Variants in ALMS1 observed in about 807,000 individuals in gnomAD.
ALMS1 encodes the protein ALMS1 centrosome and basal body associated protein.
Under a neutral mutation model 352.2 loss-of-function variants are expected in ALMS1, and 271 were observed. The observed-to-expected ratio is 0.77, with a 90% CI of 0.70 to 0.85. The LOEUF (loss-of-function observed/expected upper bound fraction) is 0.85, where lower values mean the gene tolerates loss of function less well. Ranked by LOEUF, ALMS1 falls within the 40% of genes least tolerant of loss-of-function variation. The probability of loss-of-function intolerance (pLI) is 0.00; values close to 1 mark genes in which losing one functional copy is unlikely to be tolerated. For synonymous variants in ALMS1, 1,865 were observed against 1,761.2 expected (o/e 1.06, Z -1.48); for missense variants, 5,445 against 4,870.7 (o/e 1.12, Z -3.51).
intron 2 of ALMS1, among the ~76,000 whole-genome samples, chr2:73,418,769 A>C (rs1188516494): frequency 1.3e-5 from 2 of 152,258 alleles, no homozygotes; most frequent in African/African-American, 4.8e-5. Context: ...TCCCCGGAAC[A>C]CATGTGCCAT....
In ALMS1 at chr2:73,450,550, T is replaced by A; in HGVS notation, c.4023T>A (p.Gly1341=). 1.9e-6 allele frequency: 3 copies of A among 1,611,136 alleles called. No individual in the cohort carries two copies. The highest frequency in any genetic ancestry group is 2.5e-6 in the Non-Finnish European group (3 of 1,179,544). ...TCTACTCACACACAGAGAAGCCTGG[T>A]GTTTTCTACCAACAGGTCTTGCCAC... ...STFYSHTEKP[G]VFYQQVLPHS... is the part of the protein sequence containing the mutation. Residue 1341 remains glycine (G), a synonymous_variant, in exon 8 of 23, where the codon GGT becomes GGA. Transcript: ENST00000613296.
intron 7 of ALMS1, among the ~76,000 whole-genome samples, chr2:73,433,183 A>G (rs1405698774): frequency 1.3e-5 from 2 of 152,190 alleles, no homozygotes; most frequent in Non-Finnish European, 2.9e-5. Flanking sequence ...CAGGTTAGTG[A>G]TAATGATTTT....
chr2:73,415,950 C>A lies in ALMS1; in HGVS notation c.451-3173C>A, dbSNP rs371156102. ...TATAAATGTGATAGGATAGTTGTCT[C>A]CGTGAAGTTAAAAAATTATTGCAGT... is the stretch of plus-strand genomic sequence containing the variant. On this transcript the variant is annotated intron_variant, in intron 2 of 22. Transcript: ENST00000613296. 1.4e-4 allele frequency among the ~76,000 whole-genome samples: 22 copies of A among 152,088 alleles called. 1 individual carries two copies. The highest frequency in any genetic ancestry group is 1.2e-3 in the Admixed American group (18 of 15,258).
intron 11 of ALMS1, among the ~76,000 whole-genome samples, chr2:73,531,650 G>T (rs1249584583): frequency 1.3e-5 from 2 of 152,146 alleles, no homozygotes; most frequent in Non-Finnish European, 2.9e-5. Flanking sequence ...CCCACTTCTG[G>T]CACCAATTCT....
At chr2:73,476,314 T>A (rs1317677392) in intron 9 of ALMS1, among the ~76,000 whole-genome samples, 1 of 152,106 alleles carries the variant, frequency 6.6e-6, no homozygotes, top group Admixed American at 6.6e-5. Context: ...GACACTTGAG[T>A]TGCTTCTGCC....
chr2:73,551,752 A>G (rs867840045), intron 13 of ALMS1, among the ~76,000 whole-genome samples: 32 of 151,956 alleles, frequency 2.1e-4, no homozygotes, highest in Admixed American at 5.9e-4. Flanking sequence ...GTTTTATAAA[A>G]GCTTTTTTTC....
At chr2:73,552,148 C>T (rs577770546) in intron 13 of ALMS1, among the ~76,000 whole-genome samples, 1 of 152,240 alleles carries the variant, frequency 6.6e-6, no homozygotes, top group East Asian at 1.9e-4. Flanking sequence ...TGGTGTGCTG[C>T]ACCCATTAAC....
At chr2:73,558,662 G>A (rs1674593452) in intron 14 of ALMS1, among the ~76,000 whole-genome samples, 1 of 151,780 alleles carries the variant, frequency 6.6e-6, no homozygotes, top group South Asian at 2.1e-4. Context: ...CCATCTTAAT[G>A]TGTATCCCAT....
At chr2:73,549,693 C>G (rs1420051429) in intron 12 of ALMS1, among the ~76,000 whole-genome samples, 1 of 152,188 alleles carries the variant, frequency 6.6e-6, no homozygotes, top group South Asian at 2.1e-4. Flanking sequence ...TGGAAATATT[C>G]TCTCTCCTGA....
At chr2:73,550,807 G>C (rs895564499) in intron 13 of ALMS1, among the ~76,000 whole-genome samples, 1 of 151,920 alleles carries the variant, frequency 6.6e-6, no homozygotes, top group African/African-American at 2.4e-5. Context: ...TTATAGGCTG[G>C]ATTCTGTAGG....
At chr2:73,560,669 A>C (rs1469898167) in intron 15 of ALMS1, among the ~76,000 whole-genome samples, 1 of 152,236 alleles carries the variant, frequency 6.6e-6, no homozygotes, top group Non-Finnish European at 1.5e-5. Flanking sequence ...AGATGAATGT[A>C]TTAAGAAAAT....
chr2:73,479,827 AT>A (rs1161487264), intron 9 of ALMS1, among the ~76,000 whole-genome samples: 5 of 152,122 alleles, frequency 3.3e-5, no homozygotes, highest in African/African-American at 1.2e-4. Context: ...TATCATTTAC[AT>A]TCCCACCAGC....
chr2:73,386,010 G>C lies in ALMS1; in HGVS notation c.142G>C (p.Glu48Gln). The change falls in exon 1 of 23, where the codon GAA (glutamate) becomes CAA (glutamine). Residue 48 changes from glutamate (E) to glutamine (Q), a missense_variant. Coordinates refer to ENST00000613296, the MANE Select transcript of ALMS1 (RefSeq NM_001378454.1). ...CGTAGTGGTCGTGGAGGAGGTGGAGGAAGAGGCGGGGCGGGAGTTGGACTC... is the reference window on the plus strand; with the variant it reads ...CGTAGTGGTCGTGGAGGAGGTGGAGCAAGAGGCGGGGCGGGAGTTGGACTC... Reference protein sequence around the residue: ...DDVVVVEEVEEEAGRELDSDS... With the variant: ...DDVVVVEEVEQEAGRELDSDS... 6.4e-7 allele frequency: 1 copy of C among 1,560,560 alleles called. No individual in the cohort carries two copies. Among genetic ancestry groups the C allele is most frequent in the Non-Finnish European group, 8.7e-7 (1 of 1,152,840 alleles).
intron 10 of ALMS1, among the ~76,000 whole-genome samples, chr2:73,502,315 G>A (rs890015523): frequency 3.3e-5 from 5 of 152,026 alleles, no homozygotes; most frequent in Non-Finnish European, 5.9e-5. Flanking sequence ...GGATCCTCAG[G>A]TATAAAGTCT....
At chr2:73,568,587 A>G (rs1162904350) in intron 15 of ALMS1, among the ~76,000 whole-genome samples, 1 of 152,184 alleles carries the variant, frequency 6.6e-6, no homozygotes, top group Non-Finnish European at 1.5e-5. Flanking sequence ...CTTGGCAGGA[A>G]TTTTTCTATA....
rs569441244 is a variant in ALMS1, at chr2:73,563,736, A to T, written c.10384+4594A>T. 1.4e-3 allele frequency among the ~76,000 whole-genome samples: 191 copies of T among 133,416 alleles called. 3 individuals are homozygous for T. The highest frequency in any genetic ancestry group is 0.012 in the East Asian group (59 of 5,078). The allele number at this position is 133,416 out of a possible 152,430, so 87.5% of individuals were successfully genotyped here. ...AGACTCCATCTCAAAAAAAAAAAAA[A>T]AAAATAAAAATAAAAAATGAAGGTA... On this transcript the variant is annotated intron_variant, in intron 15 of 22. Coordinates refer to ENST00000613296, the MANE Select transcript of ALMS1 (RefSeq NM_001378454.1).
intron 16 of ALMS1, among the ~76,000 whole-genome samples, chr2:73,583,200 T>G (rs1259098301): frequency 6.6e-6 from 1 of 151,838 alleles, no homozygotes; most frequent in African/African-American, 2.4e-5. Context: ...CTTTTACTTT[T>G]TTTTTTTTTT....
chr2:73,601,921 G>T (rs2104198547), intron 19 of ALMS1, among the ~76,000 whole-genome samples: 1 of 152,318 alleles, frequency 6.6e-6, no homozygotes, highest in Admixed American at 6.5e-5. Flanking sequence ...GAGCTGTATT[G>T]CACTGACATT....
Position 73,483,369 on chromosome 2 carries a change from G to T in ALMS1, c.7675-6265G>T, listed in dbSNP as rs1327992721. ...CAGGAGCAGGTTGTTCAGTTTCCATGTAGTTGAGCGGTTTTGAGTGAGATT... is the reference window on the plus strand; with the variant it reads ...CAGGAGCAGGTTGTTCAGTTTCCATTTAGTTGAGCGGTTTTGAGTGAGATT... On this transcript the variant is annotated intron_variant, in intron 9 of 22. Coordinates refer to ENST00000613296, the MANE Select transcript of ALMS1 (RefSeq NM_001378454.1). Among the ~76,000 whole-genome samples, 4 of 151,660 alleles carry T rather than the reference G, an allele frequency of 2.6e-5. No homozygotes were observed. In the East Asian group the frequency reaches 7.7e-4, roughly 29 times the overall value.
Sources: gnomAD v4.1 joint callset for allele counts (sites outside exome capture counted in the v4.1 genomes callset) on GRCh38, gnomAD v4.1.1 for gene constraint, MANE v1.5 for transcripts, NCBI Gene and HGNC (gene_info 2026-07-23, HGNC 2026-07-21) for gene names.